Variants in PDE4B observed in about 807,000 individuals in gnomAD.
The protein encoded by PDE4B is 3',5'-cyclic-AMP phosphodiesterase 4B.
A neutral mutation model predicts 82.2 loss-of-function variants in PDE4B; 20 were observed. That is an observed-to-expected ratio of 0.24 (90% CI 0.17 to 0.35). The LOEUF is 0.35. PDE4B is among the 10% of genes least tolerant of loss of function. The pLI is 1.00. For synonymous variants in PDE4B, 320 were observed against 318.9 expected, an observed-to-expected ratio of 1.00 and a Z score of -0.04; for missense variants, 655 against 907.2, an observed-to-expected ratio of 0.72 and a Z score of 3.57.
chr1:66,044,000 G>A (rs1371297900), intron 3 of PDE4B, among the ~76,000 whole-genome samples: 2 of 151,624 alleles, frequency 1.3e-5, no homozygotes, highest in Non-Finnish European at 1.5e-5. Context: ...AGGACATTGA[G>A]AATCAATGAA....
intron 3 of PDE4B, among the ~76,000 whole-genome samples, chr1:66,185,968 G>A (rs1261075996): frequency 2.6e-5 from 4 of 152,096 alleles, no homozygotes; most frequent in Admixed American, 6.6e-5. Context: ...TATGGTTTTA[G>A]GTCTAACATT....
At chr1:66,188,427 C>T (rs1255346673) in intron 3 of PDE4B, among the ~76,000 whole-genome samples, 1 of 151,934 alleles carries the variant, frequency 6.6e-6, no homozygotes, top group Non-Finnish European at 1.5e-5. Flanking sequence ...CTAATGTTGA[C>T]AGTGGGGTGT....
chr1:66,023,668 T>C (rs1353201519), intron 3 of PDE4B, among the ~76,000 whole-genome samples: 1 of 152,148 alleles, frequency 6.6e-6, no homozygotes, highest in Admixed American at 6.6e-5. Context: ...GCAAAATTTT[T>C]ATTTTTAATT....
At chr1:65,942,073 A>T (rs1047584580) in intron 3 of PDE4B, among the ~76,000 whole-genome samples, 1 of 152,108 alleles carries the variant, frequency 6.6e-6, no homozygotes, top group Non-Finnish European at 1.5e-5. Context: ...CTGTTAAGAT[A>T]AAACAAAATT....
In PDE4B at chr1:66,064,926, C is replaced by A. The variant is rs554527036; in HGVS notation, c.281+146091C>A. Among the ~76,000 whole-genome samples, 9 of 151,994 alleles carry A rather than the reference C, an allele frequency of 5.9e-5. No individual in the cohort carries two copies. The South Asian group carries it at 1.7e-3, about 28-fold the overall frequency. ...CCCTAAACTATATTATTGCTTTTCTCATTTTATAACTCTGCAACATGAATT... is the reference window on the plus strand; with the variant it reads ...CCCTAAACTATATTATTGCTTTTCTAATTTTATAACTCTGCAACATGAATT... On this transcript the variant is annotated intron_variant, in intron 3 of 16. Coordinates refer to ENST00000341517, the MANE Select transcript of PDE4B (RefSeq NM_002600.4).
chr1:65,840,054 G>A (rs1287805328), intron 1 of PDE4B, among the ~76,000 whole-genome samples: 1 of 152,138 alleles, frequency 6.6e-6, no homozygotes. Flanking sequence ...AAGTTAGTAT[G>A]TGTAAATTGC....
intron 1 of PDE4B, among the ~76,000 whole-genome samples, chr1:65,866,699 T>C (rs1646515775): frequency 6.6e-6 from 1 of 152,184 alleles, no homozygotes; most frequent in Non-Finnish European, 1.5e-5. Context: ...CAGAGGAACA[T>C]GTTATACCTC....
In PDE4B at chr1:66,103,498, A is replaced by G. The variant is rs74457871; in HGVS notation, c.282-143962A>G. Reference sequence around the variant, plus strand: ...AGTGAAATTGAATATTCTCCCATACATATTAATAGTGATATGGTTTAGACA... The same window carrying G: ...AGTGAAATTGAATATTCTCCCATACGTATTAATAGTGATATGGTTTAGACA... On this transcript the variant is annotated intron_variant, in intron 3 of 16. Transcript: ENST00000341517. Among the ~76,000 whole-genome samples the G allele has an allele frequency of 3.3e-3, 499 of 152,208 alleles. 3 individuals are homozygous for G. The highest frequency in any genetic ancestry group is 0.011 in the African/African-American group (472 of 41,562).
intron 3 of PDE4B, among the ~76,000 whole-genome samples, chr1:65,952,744 C>G (rs952481770): frequency 6.6e-6 from 1 of 152,006 alleles, no homozygotes; most frequent in Non-Finnish European, 1.5e-5. Context: ...GCAAACTACA[C>G]TTTGACTCCT....
At chr1:66,224,742 CA>C in intron 3 of PDE4B, among the ~76,000 whole-genome samples, 1 of 152,206 alleles carries the variant, frequency 6.6e-6, no homozygotes. Context: ...TAATAATAGT[CA>C]AGCAAACAAC....
chr1:66,259,295 G>A (rs1654499269), intron 6 of PDE4B, among the ~76,000 whole-genome samples: 1 of 152,174 alleles, frequency 6.6e-6, no homozygotes, highest in Non-Finnish European at 1.5e-5. Flanking sequence ...GACCAGAGCA[G>A]ACAAGTCCTC....
intron 3 of PDE4B, among the ~76,000 whole-genome samples, chr1:66,223,642 C>T (rs1651184495): frequency 6.6e-6 from 1 of 152,112 alleles, no homozygotes; most frequent in South Asian, 2.1e-4. Context: ...CCTGGCTCTC[C>T]CTTGGCCTCT....
chr1:66,276,954 A>G (rs546465243), intron 7 of PDE4B, among the ~76,000 whole-genome samples: 54 of 152,352 alleles, frequency 3.5e-4, no homozygotes, highest in South Asian at 3.5e-3. Flanking sequence ...CCTGGCACCC[A>G]GTAGTATTTA....
chr1:66,283,821 A>C (rs1656465384), intron 7 of PDE4B, among the ~76,000 whole-genome samples: 1 of 152,164 alleles, frequency 6.6e-6, no homozygotes, highest in African/African-American at 2.4e-5. Flanking sequence ...CTGATGTCAG[A>C]CAAGAGAGTA....
At chr1:66,001,709 CT>C (rs1328463664) in intron 3 of PDE4B, among the ~76,000 whole-genome samples, 2 of 151,790 alleles carry the variant, frequency 1.3e-5, no homozygotes. Flanking sequence ...GAAGTATATG[CT>C]TTTTTGGTTG....
chr1:66,229,610 G>C (rs1311176944), intron 3 of PDE4B, among the ~76,000 whole-genome samples: 2 of 152,078 alleles, frequency 1.3e-5, no homozygotes, highest in Non-Finnish European at 2.9e-5. Context: ...GAACTTTTGG[G>C]TCTCTTATGT....
At chr1:66,151,539 G>C (rs754253755) in intron 3 of PDE4B, among the ~76,000 whole-genome samples, 23 of 152,104 alleles carry the variant, frequency 1.5e-4, no homozygotes, top group African/African-American at 4.8e-4. Flanking sequence ...TCATGACTTT[G>C]TTCATGAAGC....
intron 3 of PDE4B, among the ~76,000 whole-genome samples, chr1:65,957,160 C>T (rs906834670): frequency 6.6e-5 from 10 of 151,034 alleles, no homozygotes; most frequent in South Asian, 4.3e-4. Context: ...TCTTTTTACC[C>T]TCTTTCTGGT....
intron 3 of PDE4B, among the ~76,000 whole-genome samples, chr1:66,112,106 G>C (rs1428629478): frequency 6.6e-6 from 1 of 152,100 alleles, no homozygotes; most frequent in African/African-American, 2.4e-5. Context: ...TACAGGCAAA[G>C]AATCTCCCGA....
Sources: gnomAD v4.1 joint callset for allele counts (sites outside exome capture counted in the v4.1 genomes callset) on GRCh38, gnomAD v4.1.1 for gene constraint, MANE v1.5 for transcripts, NCBI Gene and HGNC (gene_info 2026-07-23, HGNC 2026-07-21) for gene names.